Variants in RIC1 observed in about 807,000 individuals in gnomAD.
RIC1 encodes the protein RIC1 partner of RAB6A GEF complex, also known as guanine nucleotide exchange factor subunit RIC1.
Under a neutral mutation model 169.0 loss-of-function variants are expected in RIC1, and 88 were observed. That is an observed-to-expected ratio of 0.52 (90% CI 0.44 to 0.62). The LOEUF is 0.62. RIC1 is among the 20% of genes least tolerant of loss of function. RIC1 has a pLI of 0.00. For missense variants in RIC1, 1,877 were observed against 1,725.5 expected, an observed-to-expected ratio of 1.09 and a Z score of -1.56; for synonymous variants, 790 against 601.5, an observed-to-expected ratio of 1.31 and a Z score of -4.59.
rs748817456 is a variant in RIC1, at chr9:5,747,308, C to G, written c.1255C>G (p.Gln419Glu). Residue 419 changes from glutamine (Q) to glutamate (E), a missense_variant, in exon 12 of 26, where the codon CAA (glutamine) becomes GAA (glutamate). By Grantham distance (29) the Gln-to-Glu change is conservative (BLOSUM62 2). Transcript: ENST00000414202. ...VLTVNPCMSN[Q>E]EQVLLQGEDR... ...TCCTCTTTCCCTCATTTAGAGTAAC[C>G]AAGAGCAGGTGTTGCTTCAGGGTGA... 1.2e-6 allele frequency: 2 copies of G among 1,613,584 alleles called. No homozygotes were observed. The highest frequency in any genetic ancestry group is 1.7e-6 in the Non-Finnish European group (2 of 1,179,684).
At chr9:5,753,923 C>A (rs1397094388) in intron 14 of RIC1, among the ~76,000 whole-genome samples, 3 of 152,008 alleles carry the variant, frequency 2.0e-5, no homozygotes, top group Admixed American at 6.6e-5. Context: ...TTCTTACATT[C>A]CAGCTTGAGT....
At chr9:5,669,927 T>G (rs1161656356) in intron 2 of RIC1, among the ~76,000 whole-genome samples, 1 of 152,128 alleles carries the variant, frequency 6.6e-6, no homozygotes, top group Non-Finnish European at 1.5e-5. Context: ...TAATCAGATA[T>G]CAAGTGTGGG....
At chr9:5,643,841 C>T (rs1267422217) in intron 1 of RIC1, among the ~76,000 whole-genome samples, 3 of 152,090 alleles carry the variant, frequency 2.0e-5, no homozygotes, top group African/African-American at 7.2e-5. Flanking sequence ...TTTACACCTG[C>T]CACAAAATGA....
In RIC1 at chr9:5,721,891, CT is replaced by C. The variant is rs1261535327; in HGVS notation, c.720+1155del. Among the ~76,000 whole-genome samples, 553 of 141,112 alleles carry C rather than the reference CT, an allele frequency of 3.9e-3. 2 individuals carry two copies. The highest frequency in any genetic ancestry group is 9.1e-3 in the African/African-American group (353 of 38,822). 92.6% of individuals were successfully genotyped at this position (141,112 alleles called of 152,430 possible). ...CTGTTCATTTCATCTTTTTTGTTTT[CT>C]TTTTTTTTTTTTTGAGATGGAATTT... is the stretch of plus-strand genomic sequence containing the variant. On this transcript the variant is annotated intron_variant, in intron 6 of 25. Coordinates refer to ENST00000414202, the MANE Select transcript of RIC1 (RefSeq NM_020829.4).
In RIC1 at chr9:5,629,493, C is replaced by T. The variant is rs1234064290; in HGVS notation, c.144+40C>T. On this transcript the variant is annotated intron_variant, in intron 1 of 25. Coordinates refer to ENST00000414202, the MANE Select transcript of RIC1 (RefSeq NM_020829.4). Reference sequence around the variant, plus strand: ...CCGCCGCCTTTCGCCGCTGCCTCCCCGGCCTCCCGGCGCCGTCCCACCCCC... The same window carrying T: ...CCGCCGCCTTTCGCCGCTGCCTCCCTGGCCTCCCGGCGCCGTCCCACCCCC... 4 of 1,502,206 alleles carry T rather than the reference C, an allele frequency of 2.7e-6. No individual in the cohort carries two copies. The East Asian group carries it at 1.1e-4, about 40-fold the overall frequency. 93.1% of individuals were successfully genotyped at this position (1,502,206 alleles called of 1,614,324 possible).
chr9:5,634,742 G>C (rs1817886119), intron 1 of RIC1, among the ~76,000 whole-genome samples: 1 of 151,754 alleles, frequency 6.6e-6, no homozygotes, highest in African/African-American at 2.4e-5. Context: ...GTTTATTTTT[G>C]CTTTTGTCAC....
At chr9:5,685,482 A>G (rs1213506157) in intron 2 of RIC1, among the ~76,000 whole-genome samples, 2 of 149,324 alleles carry the variant, frequency 1.3e-5, no homozygotes, top group Admixed American at 1.3e-4. Context: ...CATACCTACA[A>G]CTATCTGATC....
chr9:5,645,288 G>T (rs1818449904), intron 1 of RIC1, among the ~76,000 whole-genome samples: 2 of 152,084 alleles, frequency 1.3e-5, no homozygotes, highest in South Asian at 4.1e-4. Flanking sequence ...CCATCGTCAG[G>T]CTATCCTCCG....
intron 17 of RIC1, 114 bp downstream of exon 17, chr9:5,757,565 T>G (rs1218159957): frequency 9.2e-7 from 1 of 1,081,216 alleles, no homozygotes; most frequent in Non-Finnish European, 1.3e-6. Context: ...AAATGTACCT[T>G]ATATGAGAAT....
downstream of RIC1, among the ~76,000 whole-genome samples, chr9:5,777,177 T>C (rs1827634749): frequency 6.6e-6 from 1 of 152,118 alleles, no homozygotes; most frequent in Non-Finnish European, 1.5e-5. Flanking sequence ...GTCTGTTTAA[T>C]TAGGTCGTTT....
chr9:5,742,819 A>C, intron 8 of RIC1, 50 bp from the exon 9 acceptor site: 1 of 1,448,198 alleles, frequency 6.9e-7, no homozygotes, highest in South Asian at 1.2e-5. Context: ...AAAAACAAGT[A>C]TTTCTGAAGC....
intron 12 of RIC1, among the ~76,000 whole-genome samples, 174 bp downstream of exon 12, chr9:5,747,679 T>C (rs768137426): frequency 2.0e-5 from 3 of 152,250 alleles, no homozygotes; most frequent in Non-Finnish European, 4.4e-5. Context: ...CTCCCTCCTT[T>C]CTTTCCACTT....
intron 2 of RIC1, among the ~76,000 whole-genome samples, chr9:5,661,384 G>C (rs1819439326): frequency 6.6e-6 from 1 of 152,168 alleles, no homozygotes; most frequent in Non-Finnish European, 1.5e-5. Context: ...GTCAGTGGTA[G>C]TTTAATGGGG....
intron 7 of RIC1, among the ~76,000 whole-genome samples, chr9:5,736,472 GTGTT>G (rs1259736645): frequency 6.6e-6 from 1 of 152,162 alleles, no homozygotes; most frequent in East Asian, 1.9e-4. Context: ...ATTATTTTGA[GTGTT>G]TGTAGGCTGC....
intron 1 of RIC1, among the ~76,000 whole-genome samples, chr9:5,640,128 T>C (rs1487749504): frequency 6.6e-6 from 1 of 152,238 alleles, no homozygotes; most frequent in Non-Finnish European, 1.5e-5. Context: ...CTGGTTGTTT[T>C]GTGGTCTTCG....
intron 3 of RIC1, among the ~76,000 whole-genome samples, chr9:5,708,827 T>C (rs1216880900): frequency 1.3e-5 from 2 of 152,152 alleles, no homozygotes; most frequent in Non-Finnish European, 2.9e-5. Flanking sequence ...TATTCTCTTT[T>C]CTCTCTCCTT....
rs58654916 is a variant in RIC1 at position 5,651,558 on chromosome 9, CTTTTT to C, written c.145-5007_145-5003del. Among the ~76,000 whole-genome samples, 14 of 107,848 alleles carry C rather than the reference CTTTTT, an allele frequency of 1.3e-4. No individual in the cohort carries two copies. The South Asian group carries it at 2.9e-3, about 23-fold the overall frequency. The allele number at this position is 107,848 out of a possible 152,430, so 70.8% of individuals were successfully genotyped here. A position where few individuals can be genotyped will look rare whatever the true frequency, so the allele number is the denominator to read the frequency against. On this transcript the variant is annotated intron_variant, in intron 1 of 25. Transcript: ENST00000414202. ...TGGGTCTTACATTTAAGTCTTTAAT[CTTTTT>C]TTTTTTTTTTTTTTTTTATTGAGAC...
chr9:5,755,654 G>A (rs144583071), intron 15 of RIC1, among the ~76,000 whole-genome samples: 6,095 of 152,232 alleles, frequency 0.04, 398 homozygotes, highest in African/African-American at 0.14. Flanking sequence ...CAGGTGCAGT[G>A]GCTCATGCCT....
intron 17 of RIC1, among the ~76,000 whole-genome samples, chr9:5,758,353 T>C (rs941650114): frequency 2.6e-5 from 4 of 152,240 alleles, no homozygotes; most frequent in African/African-American, 9.6e-5. Flanking sequence ...TTGTCATCCC[T>C]GTCTGGGCAG....
Sources: allele counts gnomAD v4.1 joint callset (sites outside exome capture counted in the v4.1 genomes callset), GRCh38; gene constraint gnomAD v4.1.1; transcripts MANE v1.5; gene names NCBI Gene and HGNC (gene_info 2026-07-23, HGNC 2026-07-21).